The following ZMAT4 variants were observed in gnomAD, a reference collection of about 807,000 sequenced individuals.
ZMAT4 encodes zinc finger matrin-type protein 4.
ZMAT4 carries 17 observed loss-of-function variants against 28.7 expected under a neutral mutation model. That is an observed-to-expected ratio of 0.59 (90% confidence interval 0.41 to 0.89). ZMAT4 has a LOEUF of 0.89. Ranked by LOEUF, ZMAT4 falls within the 40% of genes least tolerant of loss-of-function variation. The pLI is 0.00. For missense variants in ZMAT4, 240 were observed against 283.8 expected (o/e 0.85, Z 1.11); for synonymous variants, 117 against 109.2 (o/e 1.07, Z -0.44).
At chr8:40,619,688 G>A (rs762336242) in intron 5 of ZMAT4, among the ~76,000 whole-genome samples, 5 of 152,212 alleles carry the variant, frequency 3.3e-5, no homozygotes, top group Admixed American at 6.5e-5. Context: ...TTAGGGAAGA[G>A]CTCATGCCAG....
chr8:40,716,954 A>G (rs1585929830), intron 3 of ZMAT4, among the ~76,000 whole-genome samples: 1 of 152,206 alleles, frequency 6.6e-6, no homozygotes, highest in South Asian at 2.1e-4. Flanking sequence ...GGACGCTAGC[A>G]TACCTATCAT....
chr8:40,581,106 G>A (rs1404548520), intron 6 of ZMAT4, 59 bp downstream of exon 6: 9 of 1,372,640 alleles, frequency 6.6e-6, no homozygotes, highest in Non-Finnish European at 9.3e-6. Context: ...TGAGCCTTTA[G>A]TCATCTTACT....
At chr8:40,573,742 G>C (rs1804173811) in intron 6 of ZMAT4, among the ~76,000 whole-genome samples, 1 of 152,162 alleles carries the variant, frequency 6.6e-6, no homozygotes, top group Non-Finnish European at 1.5e-5. Context: ...GGATGAGCTG[G>C]AAAGAGTGCC....
chr8:40,589,971 C>CCCTCCCTTCCTTCCTTCATT (rs1341460065), intron 5 of ZMAT4, among the ~76,000 whole-genome samples: 1 of 28,798 alleles, frequency 3.5e-5, no homozygotes, highest in Non-Finnish European at 6.2e-5. Flanking sequence ...TTCCCTCCCT[C>CCCTCCCTTCCTTCCTTCATT]CCTTCCTTCC....
chr8:40,697,307 C>A lies in ZMAT4; in HGVS notation c.287G>T (p.Gly96Val). ...TTTTAACCTCTTGGCGTGGATTTTG[C>A]CTTGATAATGGGAATCGGCCACCAC... ...SAVVADSHYQ[G>V]KIHAKRLKLL... is the part of the protein sequence containing the mutation. The change falls in exon 4 of 7, where the codon GGC (glycine) becomes GTC (valine). Residue 96 changes from glycine to valine, a missense_variant. Physicochemically the swap from Gly to Val is moderately radical, Grantham distance 109. Transcript: ENST00000297737. 1 of 1,613,792 alleles carries A rather than the reference C, an allele frequency of 6.2e-7. No homozygotes were observed. Among genetic ancestry groups the A allele is most frequent in the South Asian group, 1.1e-5 (1 of 91,054 alleles).
intron 1 of ZMAT4, among the ~76,000 whole-genome samples, chr8:40,829,755 T>C (rs1816209082): frequency 6.6e-6 from 1 of 152,186 alleles, no homozygotes; most frequent in Non-Finnish European, 1.5e-5. Flanking sequence ...ATCAAGAATC[T>C]CTTCAAGAAA....
chr8:40,786,363 A>G (rs1563483289), intron 2 of ZMAT4, among the ~76,000 whole-genome samples: 1 of 152,348 alleles, frequency 6.6e-6, no homozygotes, highest in East Asian at 1.9e-4. Flanking sequence ...CAAAAAAAGA[A>G]AAACAAGTTA....
chr8:40,817,789 G>A (rs1482157850), intron 2 of ZMAT4, among the ~76,000 whole-genome samples: 2 of 152,236 alleles, frequency 1.3e-5, no homozygotes, highest in African/African-American at 4.8e-5. Context: ...AAGAGGGGAT[G>A]TGTGTGTTCT....
intron 6 of ZMAT4, among the ~76,000 whole-genome samples, chr8:40,562,415 C>T (rs1803776714): frequency 6.6e-6 from 1 of 152,154 alleles, no homozygotes; most frequent in Non-Finnish European, 1.5e-5. Flanking sequence ...TTTGACCCAA[C>T]ATGTCTAATT....
chr8:40,694,827 C>A (rs1268992513), intron 4 of ZMAT4, among the ~76,000 whole-genome samples: 1 of 152,122 alleles, frequency 6.6e-6, no homozygotes, highest in Non-Finnish European at 1.5e-5. Context: ...GCCATAAAAC[C>A]TAAAAACTAT....
At chr8:40,680,565 C>T (rs548049689) in intron 4 of ZMAT4, among the ~76,000 whole-genome samples, 41 of 152,134 alleles carry the variant, frequency 2.7e-4, no homozygotes, top group East Asian at 1.9e-4. Context: ...AGGGTGACAC[C>T]GTCAGCAGTG....
At chr8:40,708,000 C>T (rs1810436478) in intron 3 of ZMAT4, among the ~76,000 whole-genome samples, 2 of 151,892 alleles carry the variant, frequency 1.3e-5, no homozygotes, top group South Asian at 4.1e-4. Context: ...TCTCTAAATT[C>T]CCAAATAAAA....
At chr8:40,692,547 C>T (rs889481192) in intron 4 of ZMAT4, among the ~76,000 whole-genome samples, 1 of 152,198 alleles carries the variant, frequency 6.6e-6, no homozygotes, top group African/African-American at 2.4e-5. Context: ...GAATGGCTCT[C>T]TTCCATCTTG....
intron 2 of ZMAT4, among the ~76,000 whole-genome samples, chr8:40,807,532 G>A (rs762316972): frequency 5.9e-5 from 9 of 152,136 alleles, no homozygotes; most frequent in Admixed American, 1.3e-4. Flanking sequence ...CCTCAAAGAT[G>A]AAAGAAATAA....
intron 6 of ZMAT4, among the ~76,000 whole-genome samples, chr8:40,541,811 C>T (rs561034618): frequency 8.8e-4 from 134 of 152,328 alleles, no homozygotes; most frequent in Non-Finnish European, 1.8e-3. Flanking sequence ...TGCAGTGCCT[C>T]GAAGTGCAGG....
At chr8:40,542,354 T>C (rs1031161584) in intron 6 of ZMAT4, among the ~76,000 whole-genome samples, 1 of 152,070 alleles carries the variant, frequency 6.6e-6, no homozygotes, top group African/African-American at 2.4e-5. Context: ...AATATGATCA[T>C]CCGATTTTTA....
chr8:40,878,867 C>T lies in ZMAT4; in HGVS notation c.-5+18816G>A, dbSNP rs147596057. Among the ~76,000 whole-genome samples, 35 of 152,306 alleles carry T rather than the reference C, an allele frequency of 2.3e-4. 1 individual carries two copies. The East Asian group carries it at 6.8e-3, about 29-fold the overall frequency. Reference sequence around the variant, plus strand: ...TCCCAGGCATCTCCAGCCCCATGTTCTATTAGCATTGAGTGGGCAGGGCTG... The same window carrying T: ...TCCCAGGCATCTCCAGCCCCATGTTTTATTAGCATTGAGTGGGCAGGGCTG... On this transcript the variant is annotated intron_variant, in intron 1 of 6. Coordinates refer to ENST00000297737, the MANE Select transcript of ZMAT4 (RefSeq NM_024645.3).
chr8:40,686,457 C>A (rs1258666636), intron 4 of ZMAT4, among the ~76,000 whole-genome samples: 1 of 151,666 alleles, frequency 6.6e-6, no homozygotes, highest in East Asian at 1.9e-4. Context: ...AGAGTGAGAC[C>A]CCTGTCTCAA....
intron 2 of ZMAT4, among the ~76,000 whole-genome samples, chr8:40,775,617 G>A (rs919532423): frequency 2.0e-5 from 3 of 152,322 alleles, no homozygotes; most frequent in Admixed American, 2.0e-4. Flanking sequence ...CTCCTCTACT[G>A]TTTCCAAGAG....
Sources: allele counts gnomAD v4.1 joint callset (sites outside exome capture counted in the v4.1 genomes callset), GRCh38; gene constraint gnomAD v4.1.1; transcripts MANE v1.5; gene names NCBI Gene and HGNC (gene_info 2026-07-23, HGNC 2026-07-21).